DPH6: variants seen among roughly 807,000 people sequenced by gnomAD.
DPH6 encodes the protein diphthamine biosynthesis 6, also known as diphthine--ammonia ligase.
A neutral mutation model predicts 38.2 loss-of-function variants in DPH6; 33 were observed. The observed-to-expected ratio is 0.86, with a 90% CI of 0.65 to 1.15. The LOEUF is 1.15. Among genes scored for constraint, DPH6 ranks in the 50% most tolerant of loss-of-function variants. The pLI is 0.00. For synonymous variants in DPH6, 108 were observed against 103.0 expected (o/e 1.05, Z -0.30); for missense variants, 325 against 320.0 (o/e 1.02, Z -0.12).
At chr15:35,520,561 T>A in intron 3 of DPH6, 2 of 984,756 alleles carry the variant, frequency 2.0e-6, no homozygotes, top group Non-Finnish European at 2.4e-6. Flanking sequence ...ACAATAAGAC[T>A]AGCATACACA....
In DPH6 at chr15:35,262,705, C is replaced by CAAAAAAA. The variant is rs58580024; in HGVS notation, n.201-42130_201-42124dup. 5.7e-4 allele frequency among the ~76,000 whole-genome samples: 47 copies of CAAAAAAA among 82,626 alleles called. 2 individuals are homozygous for CAAAAAAA. The highest frequency in any genetic ancestry group is 2.7e-3 in the African/African-American group (43 of 15,718). The allele number at this position is 82,626 out of a possible 152,430, so 54.2% of individuals were successfully genotyped here. On this transcript the variant is annotated intron_variant and non_coding_transcript_variant, in intron 3 of 3. Coordinates refer to the DPH6 transcript ENST00000560386. ...TGCGAAACAGAGCAAGACTCCGTCTCAAAAAAAAAAAAAAAAAAAAAAAAA... is the reference window on the plus strand; with the variant it reads ...TGCGAAACAGAGCAAGACTCCGTCTCAAAAAAAAAAAAAAAAAAAAAAAAAAAAAAAA...
chr15:35,172,730 G>C, the DPH6 span, among the ~76,000 whole-genome samples: 1 of 152,076 alleles, frequency 6.6e-6, no homozygotes, highest in Non-Finnish European at 1.5e-5. Flanking sequence ...GCCCAGGCTG[G>C]AGCACAGTGG....
chr15:35,373,478 T>C, intron 8 of DPH6, 43 bp downstream of exon 8: 1 of 1,549,670 alleles, frequency 6.5e-7, no homozygotes, highest in Non-Finnish European at 8.8e-7. Flanking sequence ...TGTATATATC[T>C]CAAATTTCTA....
At chr15:35,298,970 A>T in intron 3 of DPH6, 1 of 760,882 alleles carries the variant, frequency 1.3e-6, no homozygotes, top group East Asian at 2.6e-5. Flanking sequence ...CTCGCTCCTA[A>T]TCTTCATCTT....
At chr15:35,413,971 CTTAATGTA>C (rs1180434926) in intron 5 of DPH6, among the ~76,000 whole-genome samples, 1 of 151,588 alleles carries the variant, frequency 6.6e-6, no homozygotes, top group Non-Finnish European at 1.5e-5. Flanking sequence ...TTTTTAAAGT[CTTAATGTA>C]TTAAGTATCT....
At chr15:35,322,620 C>A (rs982136137) in intron 3 of DPH6, among the ~76,000 whole-genome samples, 14 of 152,150 alleles carry the variant, frequency 9.2e-5, no homozygotes, top group East Asian at 3.9e-4. Context: ...GAGAGTATAA[C>A]CCTGACAGCA....
At chr15:35,401,562 C>G (rs1342586279) in intron 6 of DPH6, 51 of 770,762 alleles carry the variant, frequency 6.6e-5, no homozygotes, top group Admixed American at 6.3e-4. Context: ...GTAGTGGAAG[C>G]AATTTTGGAG....
At position 35,231,390 on chromosome 15, in the gene DPH6, G is replaced by A. The variant is rs141342859; in HGVS notation, n.201-10808C>T. Among the ~76,000 whole-genome samples the A allele has an allele frequency of 2.0e-5, 3 of 152,330 alleles. No individual in the cohort carries two copies. In the East Asian group the frequency reaches 5.8e-4, roughly 29 times the overall value. On this transcript the variant is annotated intron_variant and non_coding_transcript_variant, in intron 3 of 3. Coordinates refer to the DPH6 transcript ENST00000560386. The stretch of plus-strand genomic sequence containing the variant: ...TGCTGCTGCTTCCGGGAAATGGAAG[G>A]GGGGTGGCATGGGCCATCCAAGACT...
chr15:35,468,849 A>C (rs1353825858), intron 3 of DPH6, among the ~76,000 whole-genome samples: 4 of 152,100 alleles, frequency 2.6e-5, no homozygotes, highest in East Asian at 1.9e-4. Flanking sequence ...AGGTGGATCA[A>C]CAGGTGTTCG....
intron 6 of DPH6, among the ~76,000 whole-genome samples, chr15:35,387,633 GCTCT>G (rs2052986242): frequency 6.6e-6 from 1 of 152,128 alleles, no homozygotes; most frequent in Admixed American, 6.5e-5. Flanking sequence ...TCATGATTTG[GCTCT>G]CTGTTTGTCT....
intron 5 of DPH6, among the ~76,000 whole-genome samples, chr15:35,435,711 C>G (rs183751029): frequency 1.3e-5 from 2 of 152,220 alleles, no homozygotes; most frequent in Non-Finnish European, 2.9e-5. Context: ...GACAAGAACC[C>G]AGATTTTTAG....
At chr15:35,421,786 C>T (rs16960883) in intron 5 of DPH6, among the ~76,000 whole-genome samples, 55,536 of 151,854 alleles carry the variant, frequency 0.37, 12,162 homozygotes, top group African/African-American at 0.62. Flanking sequence ...TCACAAAGAA[C>T]ACTGAGAAAT....
At chr15:35,539,502 C>T (rs113954873) in intron 2 of DPH6, among the ~76,000 whole-genome samples, 1 of 152,008 alleles carries the variant, frequency 6.6e-6, no homozygotes, top group African/African-American at 2.4e-5. Context: ...AGCTAATATG[C>T]TTTCAGGTAC....
At chr15:35,340,604 C>T (rs982708252) in intron 3 of DPH6, among the ~76,000 whole-genome samples, 5 of 152,142 alleles carry the variant, frequency 3.3e-5, no homozygotes, top group Non-Finnish European at 4.4e-5. Context: ...ATGTGTTTGT[C>T]TGAAAAGAAT....
chr15:35,470,185 C>A (rs11073098), intron 3 of DPH6, among the ~76,000 whole-genome samples: 16,333 of 151,958 alleles, frequency 0.11, 1,308 homozygotes, highest in African/African-American at 0.23. Context: ...GGTGAGAGAG[C>A]AAGACTGTGT....
the DPH6 span, among the ~76,000 whole-genome samples, chr15:35,177,141 C>T: frequency 6.6e-6 from 1 of 152,120 alleles, no homozygotes; most frequent in African/African-American, 2.4e-5. Flanking sequence ...ATATCCCTTG[C>T]ATTCTGGTAA....
chr15:35,466,252 T>C (rs2054125267), intron 3 of DPH6, among the ~76,000 whole-genome samples: 1 of 152,140 alleles, frequency 6.6e-6, no homozygotes, highest in African/African-American at 2.4e-5. Context: ...AGGTGATATT[T>C]TGAGGACTTC....
intron 3 of DPH6, among the ~76,000 whole-genome samples, chr15:35,308,835 T>C (rs1219536801): frequency 1.3e-5 from 2 of 152,186 alleles, no homozygotes; most frequent in Admixed American, 6.5e-5. Context: ...TATCTGAAAG[T>C]TAGCAGATAA....
chr15:35,232,041 T>C (rs2140393166), intron 3 of DPH6, among the ~76,000 whole-genome samples: 1 of 152,248 alleles, frequency 6.6e-6, no homozygotes, highest in Admixed American at 6.5e-5. Context: ...CCAAACTGTA[T>C]CAGTATTACT....
Sources: gnomAD v4.1 joint callset for allele counts (sites outside exome capture counted in the v4.1 genomes callset) on GRCh38, gnomAD v4.1.1 for gene constraint, MANE v1.5 for transcripts, NCBI Gene and HGNC (gene_info 2026-07-23, HGNC 2026-07-21) for gene names.